Variants in UBR2 observed in about 807,000 individuals in gnomAD.
UBR2 encodes ubiquitin protein ligase E3 component n-recognin 2.
UBR2 carries 92 observed loss-of-function variants against 247.9 expected under a neutral mutation model. The observed-to-expected ratio is 0.37, with a 90% CI of 0.31 to 0.44. The LOEUF (loss-of-function observed/expected upper bound fraction) is 0.44. UBR2 is among the 20% of genes least tolerant of loss of function. The probability of loss-of-function intolerance (pLI) is 1.00; values close to 1 mark genes in which losing one functional copy is unlikely to be tolerated. For synonymous variants in UBR2, 672 were observed against 693.5 expected (o/e 0.97, Z 0.49); for missense variants, 1,613 against 2,112.6 (o/e 0.76, Z 4.64).
At chr6:42,614,177 CAAAAAAAAAAAAAAAA>C (rs1167450076) in intron 8 of UBR2, among the ~76,000 whole-genome samples, 2 of 11,392 alleles carry the variant, frequency 1.8e-4, no homozygotes, top group East Asian at 4.1e-3. Context: ...ACTCTGTCTC[CAAAAAAAAAAAAAAAA>C]AAAAAAAAAA....
rs113071652 is a variant in UBR2 at position 42,667,847 on chromosome 6, C to G, written c.3881+1602C>G. 2.5e-3 allele frequency among the ~76,000 whole-genome samples: 379 copies of G among 151,264 alleles called. 2 individuals are homozygous for G. Among genetic ancestry groups the G allele is most frequent in the African/African-American group, 8.9e-3 (366 of 41,224 alleles). On this transcript the variant is annotated intron_variant, in intron 34 of 46. Transcript: ENST00000372901. ...TGATCTCAGCTCCCTGCAGCCTCCC[C>G]TCCCGGGTTCAAACAATTCTCCTGC...
chr6:42,687,729 C>T (rs554561490), intron 44 of UBR2, among the ~76,000 whole-genome samples: 7 of 152,040 alleles, frequency 4.6e-5, no homozygotes, highest in African/African-American at 7.2e-5. Context: ...TTAGTAGAGA[C>T]GGGGTTTCAC....
Position 42,620,116 on chromosome 6 carries a change from A to G in UBR2, c.1281+2609A>G, listed in dbSNP as rs972213738. 2.3e-5 allele frequency: 16 copies of G among 703,436 alleles called. 1 individual carries two copies. In the South Asian group the frequency reaches 9.8e-4, roughly 43 times the overall value. The allele number at this position is 703,436 out of a possible 1,614,324, so 43.6% of individuals were successfully genotyped here. On this transcript the variant is annotated intron_variant, in intron 11 of 46. Coordinates refer to ENST00000372901, the MANE Select transcript of UBR2 (RefSeq NM_001363705.2). ...ACTCTTTTCCATAATGGTTAAACCA[A>G]TTCATGCTTCTGTTAATAACGTATG...
At chr6:42,675,255 T>C (rs1199101322) in intron 38 of UBR2, among the ~76,000 whole-genome samples, 1 of 152,218 alleles carries the variant, frequency 6.6e-6, no homozygotes, top group Non-Finnish European at 1.5e-5. Flanking sequence ...AGCATTTGTG[T>C]ACCTGCCAGC....
chr6:42,566,725 G>GTTT (rs5875813), intron 1 of UBR2, among the ~76,000 whole-genome samples: 1 of 149,930 alleles, frequency 6.7e-6, no homozygotes. Flanking sequence ...TGAACAATAA[G>GTTT]TTTTTTTTTT....
chr6:42,633,611 G>A (rs535874265), intron 13 of UBR2, among the ~76,000 whole-genome samples: 4 of 151,460 alleles, frequency 2.6e-5, no homozygotes, highest in South Asian at 2.1e-4. Context: ...GGCTGGTCTC[G>A]AACTCCTGAC....
intron 11 of UBR2, among the ~76,000 whole-genome samples, chr6:42,632,065 A>ATATATATAT (rs1258390499): frequency 1.5e-4 from 10 of 66,636 alleles, no homozygotes; most frequent in African/African-American, 6.1e-4. Flanking sequence ...TTAAAAAAAA[A>ATATATATAT]AAAAATATAT....
Position 42,691,284 on chromosome 6 carries a change from T to C in UBR2, c.*111T>C, listed in dbSNP as rs1799737848. ...AATAAATTCTTTATTTAAACTTTCC[T>C]TCCCAGTTTTATAGTTTCTGGTTCT... On this transcript the variant is annotated 3_prime_UTR_variant, in exon 47 of 47. Coordinates refer to ENST00000372901, the MANE Select transcript of UBR2 (RefSeq NM_001363705.2). 1 of 1,461,478 alleles carries C rather than the reference T, an allele frequency of 6.8e-7. No individual in the cohort carries two copies. Among genetic ancestry groups the C allele is most frequent in the South Asian group, 1.2e-5 (1 of 80,164 alleles). 90.5% of individuals were successfully genotyped at this position (1,461,478 alleles called of 1,614,324 possible). A position where few individuals can be genotyped will look rare whatever the true frequency, so the allele number is the denominator to read the frequency against.
chr6:42,637,150 A>G lies in UBR2; in HGVS notation c.1814A>G (p.Gln605Arg), dbSNP rs1171491033. ...SVETIRYCVS[Q>R]EKVSIHLPVS... is the part of the protein sequence containing the mutation. ...GAAACTATCAGATACTGTGTTTCCC[A>G]AGAAAAAGTTAGCATTCACCTCCCA... The change falls in exon 15 of 47, where the codon CAA (glutamine) becomes CGA (arginine). Residue 605 changes from glutamine (Q) to arginine (R), a missense_variant. Coordinates refer to ENST00000372901, the MANE Select transcript of UBR2 (RefSeq NM_001363705.2). 6.2e-7 allele frequency: 1 copy of G among 1,613,586 alleles called. No individual in the cohort carries two copies. The highest frequency in any genetic ancestry group is 8.5e-7 in the Non-Finnish European group (1 of 1,179,844).
rs181358769 is a variant in UBR2 at position 42,637,179 on chromosome 6, T to C, written c.1843T>C (p.Ser615Pro). The C allele has an allele frequency of 2.4e-5, 38 of 1,611,582 alleles. No homozygotes were observed. In the East Asian group the frequency reaches 7.6e-4, roughly 32 times the overall value. Reference protein sequence around the residue: ...QEKVSIHLPVSRLLAGLHVLL... With the variant: ...QEKVSIHLPVPRLLAGLHVLL... ...AAAAGTTAGCATTCACCTCCCAGTT[T>C]CTCGCTTACTTGCAGGTAAAGCATT... is the stretch of plus-strand genomic sequence containing the variant. The change falls in exon 15 of 47, where the codon TCT (serine) becomes CCT (proline). Residue 615 changes from serine to proline, a missense_variant. Coordinates refer to ENST00000372901, the MANE Select transcript of UBR2 (RefSeq NM_001363705.2).
intron 11 of UBR2, chr6:42,619,954 G>A (rs1376670557): frequency 2.7e-5 from 24 of 888,400 alleles, no homozygotes; most frequent in Non-Finnish European, 3.1e-5. Flanking sequence ...TTATATTTTT[G>A]ATGCTGTAGT....
intron 11 of UBR2, among the ~76,000 whole-genome samples, chr6:42,628,702 G>A (rs1474279714): frequency 2.9e-5 from 4 of 139,692 alleles, no homozygotes; most frequent in East Asian, 2.1e-4. Flanking sequence ...TAGCCTGAGC[G>A]ACAGAGTGAG....
In UBR2 at chr6:42,650,378, C is replaced by A; in HGVS notation, c.2557C>A (p.Gln853Lys). The change falls in exon 23 of 47, where the codon CAG becomes AAG. Residue 853 changes from glutamine to lysine, a missense_variant. By Grantham distance (53) the Gln-to-Lys change is moderately conservative (BLOSUM62 1). This residue lies in a region of UBR2 where 1,524 missense variants were observed against 1,967.3 expected (regional missense o/e 0.77). Coordinates refer to ENST00000372901, the MANE Select transcript of UBR2 (RefSeq NM_001363705.2). ...LYFYHFSRAE[Q>K]SKAEEAQRKL... ...TTTCTATCACTTTTCAAGGGCAGAA[C>A]AGTCCAAGGTAATTGGGAAAATTAA... 6.2e-7 allele frequency: 1 copy of A among 1,612,726 alleles called. No individual in the cohort carries two copies. The highest frequency in any genetic ancestry group is 8.5e-7 in the Non-Finnish European group (1 of 1,178,998).
chr6:42,597,863 C>T (rs530367914), intron 4 of UBR2, among the ~76,000 whole-genome samples: 1 of 152,030 alleles, frequency 6.6e-6, no homozygotes, highest in African/African-American at 2.4e-5. Context: ...TTGTGGTGAG[C>T]CAAGATTGCG....
intron 7 of UBR2, among the ~76,000 whole-genome samples, chr6:42,611,020 A>G (rs1256996262): frequency 6.6e-6 from 1 of 150,686 alleles, no homozygotes; most frequent in South Asian, 2.1e-4. Flanking sequence ...TAATTTTTGT[A>G]TTTTTAGTAG....
intron 2 of UBR2, among the ~76,000 whole-genome samples, chr6:42,589,144 A>G (rs1188437723): frequency 6.6e-6 from 1 of 152,080 alleles, no homozygotes; most frequent in Non-Finnish European, 1.5e-5. Flanking sequence ...TTTTTATAAA[A>G]AATTTTTGCA....
chr6:42,628,145 G>A (rs1271554846), intron 11 of UBR2, among the ~76,000 whole-genome samples: 2 of 151,966 alleles, frequency 1.3e-5, no homozygotes, highest in African/African-American at 2.4e-5. Flanking sequence ...TGGAGTCCTT[G>A]TCTCAGCAGC....
intron 21 of UBR2, among the ~76,000 whole-genome samples, chr6:42,646,807 T>TTTTATA (rs775892121): frequency 6.7e-6 from 1 of 148,468 alleles, no homozygotes; most frequent in African/African-American, 2.5e-5. Context: ...ATATATATGT[T>TTTTATA]TATATATATA....
intron 5 of UBR2, among the ~76,000 whole-genome samples, chr6:42,605,374 A>G (rs1022921089): frequency 6.6e-6 from 1 of 152,218 alleles, no homozygotes; most frequent in South Asian, 2.1e-4. Flanking sequence ...CAAATGGTCA[A>G]CTATGAGAGG....
Sources: allele counts gnomAD v4.1 joint callset (sites outside exome capture counted in the v4.1 genomes callset), GRCh38; gene constraint gnomAD v4.1.1; regional missense constraint gnomAD v4.1.1; transcripts MANE v1.5; gene names NCBI Gene and HGNC (gene_info 2026-07-23, HGNC 2026-07-21).